The following STIP1 variants were observed in gnomAD, a reference collection of about 807,000 sequenced individuals.
STIP1 encodes the protein stress induced phosphoprotein 1.
STIP1 carries 16 observed loss-of-function variants against 77.4 expected under a neutral mutation model. The ratio of observed to expected loss-of-function variants is 0.21; its 90% CI spans 0.14 to 0.31. The LOEUF is 0.31. Ranked by LOEUF, STIP1 falls within the 10% of genes least tolerant of loss-of-function variation. The pLI, the probability that STIP1 is intolerant of heterozygous loss-of-function variation, is 1.00. For synonymous variants in STIP1, 258 were observed against 246.6 expected (o/e 1.05, Z -0.44); for missense variants, 524 against 684.8 (o/e 0.77, Z 2.62).
At chr11:64,193,390 C>A in intron 2 of STIP1, 103 bp downstream of exon 2, 1 of 1,000,532 alleles carries the variant, frequency 1.0e-6, no homozygotes, top group Non-Finnish European at 1.5e-6. Context: ...TAGTTACCTA[C>A]CCACCTCCCT....
rs1176703205 is a variant in STIP1 at position 64,203,529 on chromosome 11, C to G, written c.1466C>G (p.Ala489Gly). 1 of 1,614,088 alleles carries G rather than the reference C, an allele frequency of 6.2e-7. No individual in the cohort carries two copies. Among genetic ancestry groups the G allele is most frequent in the Non-Finnish European group, 8.5e-7 (1 of 1,180,050 alleles). ...AGCCCCGAAGATGTGAAGCGACGAG[C>G]CATGGCCGACCCTGAGGTGCAGCAG... The part of the protein sequence containing the change: ...HDSPEDVKRR[A>G]MADPEVQQIM... Residue 489 changes from alanine (A) to glycine (G), a missense_variant, in exon 13 of 14, where the codon GCC becomes GGC. Physicochemically the swap from Ala to Gly is moderately conservative, Grantham distance 60. Coordinates refer to ENST00000305218, the MANE Select transcript of STIP1 (RefSeq NM_006819.3).
At chr11:64,192,991 T>C (rs1946109522) in intron 1 of STIP1, 87 bp from the exon 2 acceptor site, 2 of 1,267,712 alleles carry the variant, frequency 1.6e-6, no homozygotes, top group Middle Eastern at 2.6e-4. Context: ...TATTTGTTGG[T>C]AACTACATGA....
chr11:64,196,262 G>A (rs1946148892), intron 5 of STIP1, among the ~76,000 whole-genome samples: 1 of 151,876 alleles, frequency 6.6e-6, no homozygotes, highest in Non-Finnish European at 1.5e-5. Flanking sequence ...CAGGTGTCAT[G>A]GTGGGCGCCT....
chr11:64,199,904 C>T (rs751635050), intron 8 of STIP1, 36 bp from the exon 9 acceptor site: 9 of 1,610,414 alleles, frequency 5.6e-6, no homozygotes, highest in African/African-American at 4.0e-5. Context: ...TGATTATGAG[C>T]GTTTAAATTA....
At chr11:64,202,058 C>G (rs1389516523) in intron 10 of STIP1, among the ~76,000 whole-genome samples, 2 of 152,192 alleles carry the variant, frequency 1.3e-5, no homozygotes, top group Non-Finnish European at 2.9e-5. Flanking sequence ...ATGAGACATC[C>G]AAGTCTTGTG....
At position 64,194,604 on chromosome 11, in the gene STIP1, C is replaced by G; in HGVS notation, c.487C>G (p.Pro163Ala). The G allele has an allele frequency of 6.2e-7, 1 of 1,613,974 alleles. No individual in the cohort carries two copies. The highest frequency in any genetic ancestry group is 8.5e-7 in the Non-Finnish European group (1 of 1,179,916). ...RELIEQLRNK[P>A]SDLGTKLQDP... Reference sequence around the variant, plus strand: ...GCTGATAGAGCAGCTACGAAACAAGCCTTCTGACCTGGGCACGTAAGTGGA... The same window carrying G: ...GCTGATAGAGCAGCTACGAAACAAGGCTTCTGACCTGGGCACGTAAGTGGA... Residue 163 changes from proline (P) to alanine (A), a missense_variant, in exon 4 of 14, where the codon CCT (proline) becomes GCT (alanine). Physicochemically the swap from Pro to Ala is conservative, Grantham distance 27. Coordinates refer to ENST00000305218, the MANE Select transcript of STIP1 (RefSeq NM_006819.3).
chr11:64,202,730 C>A, intron 10 of STIP1, 146 bp from the exon 11 acceptor site: 2 of 816,182 alleles, frequency 2.5e-6, no homozygotes, highest in Non-Finnish European at 4.1e-6. Context: ...TGGGATGATC[C>A]ATCATCTGGA....
chr11:64,187,936 CAGCTTGCAGTG>C (rs1946044198), intron 1 of STIP1, among the ~76,000 whole-genome samples: 1 of 150,660 alleles, frequency 6.6e-6, no homozygotes. Context: ...ACCCTGGGGG[CAGCTTGCAGTG>C]AGCCGAGATT....
chr11:64,186,088 A>G, upstream of STIP1: 2 of 1,549,836 alleles, frequency 1.3e-6, no homozygotes, highest in Non-Finnish European at 8.7e-7. Context: ...ACCTCAAGCC[A>G]ATAGTAGAGC....
upstream of STIP1, chr11:64,185,716 C>G (rs1391832183): frequency 3.5e-6 from 5 of 1,429,334 alleles, no homozygotes; most frequent in African/African-American, 1.4e-5. Flanking sequence ...ATATCAGGGG[C>G]GGGGCGAAAC....
chr11:64,185,717 G>T (rs1946004228), upstream of STIP1: 4 of 1,437,742 alleles, frequency 2.8e-6, no homozygotes, highest in South Asian at 5.3e-5. Context: ...TATCAGGGGC[G>T]GGGCGAAACC....
Position 64,199,979 on chromosome 11 carries a change from A to G in STIP1, c.1063A>G (p.Ile355Val), listed in dbSNP as rs1202673043. 1.9e-6 allele frequency: 3 copies of G among 1,614,116 alleles called. No individual in the cohort carries two copies. Among genetic ancestry groups the G allele is most frequent in the East Asian group, 2.2e-5 (1 of 44,896 alleles). The change falls in exon 9 of 14, where the codon ATA (isoleucine) becomes GTA (valine). Residue 355 changes from isoleucine to valine, a missense_variant. Ile to Val is a conservative substitution (Grantham distance 29). Coordinates refer to ENST00000305218, the MANE Select transcript of STIP1 (RefSeq NM_006819.3). ...GAAGGAGCAAGAGCGGCTGGCCTAC[A>G]TAAACCCCGACCTGGCTTTGGAGGA... is the stretch of plus-strand genomic sequence containing the variant. The part of the protein sequence containing the change: ...ILKEQERLAY[I>V]NPDLALEEKN...
intron 2 of STIP1, 99 bp downstream of exon 2, chr11:64,193,386 C>T: frequency 9.7e-7 from 1 of 1,027,332 alleles, no homozygotes; most frequent in South Asian, 1.4e-5. Flanking sequence ...CTGATAGTTA[C>T]CTACCCACCT....
intron 1 of STIP1, among the ~76,000 whole-genome samples, chr11:64,187,028 A>G (rs1946030418): frequency 6.6e-6 from 1 of 152,104 alleles, no homozygotes; most frequent in South Asian, 2.1e-4. Context: ...CCGAGGACCA[A>G]CACTTCCGAA....
rs1284656609 is a variant in STIP1 at position 64,203,764 on chromosome 11, T to C, written c.1559+142T>C. On this transcript the variant is annotated intron_variant, in intron 13 of 13. Coordinates refer to ENST00000305218, the MANE Select transcript of STIP1 (RefSeq NM_006819.3). ...TTCCTAAACTTAAGGAGATTGGCAG[T>C]GGGTGGCGAGCTGGAAGGGCTTTGT... The C allele has an allele frequency of 4.3e-6, 5 of 1,154,246 alleles. No homozygotes were observed. In the East Asian group the frequency reaches 1.3e-4, roughly 30 times the overall value. 71.5% of individuals were successfully genotyped at this position (1,154,246 alleles called of 1,614,324 possible).
At chr11:64,197,790 T>G in intron 7 of STIP1, 64 bp from the exon 8 acceptor site, 1 of 1,587,272 alleles carries the variant, frequency 6.3e-7, no homozygotes. Flanking sequence ...GCAGGTGTGT[T>G]TTTCTGCAGG....
intron 10 of STIP1, among the ~76,000 whole-genome samples, chr11:64,202,120 G>T (rs997811416): frequency 9.9e-5 from 15 of 152,182 alleles, no homozygotes; most frequent in African/African-American, 3.6e-4. Flanking sequence ...CAGCACACGC[G>T]ACCTCACCAG....
chr11:64,203,975 G>C lies in STIP1; in HGVS notation c.1560-79G>C, dbSNP rs941435623. 5 of 1,548,774 alleles carry C rather than the reference G, an allele frequency of 3.2e-6. No individual in the cohort carries two copies. In the African/African-American group the frequency reaches 6.8e-5, roughly 21 times the overall value. On this transcript the variant is annotated intron_variant, in intron 13 of 13. Coordinates refer to ENST00000305218, the MANE Select transcript of STIP1 (RefSeq NM_006819.3). ...CCTGCCGGGGCCTTCTGTAGAGGGGGTTGAATTGGGGCTTGCTCTGAGAGC... is the reference window on the plus strand; with the variant it reads ...CCTGCCGGGGCCTTCTGTAGAGGGGCTTGAATTGGGGCTTGCTCTGAGAGC...
At chr11:64,201,275 A>T (rs1946217289) in intron 10 of STIP1, among the ~76,000 whole-genome samples, 1 of 152,208 alleles carries the variant, frequency 6.6e-6, no homozygotes, top group African/African-American at 2.4e-5. Flanking sequence ...TCCTGGGCTC[A>T]AGCGAGCCTC....
Sources: gnomAD v4.1 joint callset for allele counts (sites outside exome capture counted in the v4.1 genomes callset) on GRCh38, gnomAD v4.1.1 for gene constraint, MANE v1.5 for transcripts, NCBI Gene and HGNC (gene_info 2026-07-23, HGNC 2026-07-21) for gene names.